CACNA1C: variants seen among roughly 807,000 people sequenced by gnomAD.
CACNA1C encodes voltage-dependent L-type calcium channel subunit alpha-1C.
Under a neutral mutation model 229.0 loss-of-function variants are expected in CACNA1C, and 30 were observed. That is an observed-to-expected ratio of 0.13 (90% CI 0.10 to 0.18). CACNA1C has a LOEUF of 0.18. Ranked by LOEUF, CACNA1C falls within the 10% of genes least tolerant of loss-of-function variation. The probability of loss-of-function intolerance (pLI) is 1.00; values close to 1 mark genes in which losing one functional copy is unlikely to be tolerated. For synonymous variants in CACNA1C, 1,114 were observed against 1,132.5 expected (o/e 0.98, Z 0.33); for missense variants, 1,658 against 2,845.0 (o/e 0.58, Z 9.49).
intron 10 of CACNA1C, among the ~76,000 whole-genome samples, chr12:2,552,741 G>A (rs889076644): frequency 6.6e-6 from 1 of 152,170 alleles, no homozygotes; most frequent in Non-Finnish European, 1.5e-5. Context: ...AGGGTTGCAG[G>A]GCACTGGTCT....
At chr12:2,436,178 G>A (rs1445462480) in intron 3 of CACNA1C, among the ~76,000 whole-genome samples, 4 of 152,174 alleles carry the variant, frequency 2.6e-5, no homozygotes, top group Non-Finnish European at 4.4e-5. Context: ...TACTAATTGG[G>A]AATCCTTATA....
At chr12:2,421,163 T>C (rs1364971495) in intron 3 of CACNA1C, among the ~76,000 whole-genome samples, 6 of 152,142 alleles carry the variant, frequency 3.9e-5, no homozygotes, top group Non-Finnish European at 7.4e-5. Flanking sequence ...GCAAAAAAAA[T>C]TATAGGGAAC....
chr12:2,364,303 C>T (rs2097662193), intron 3 of CACNA1C, among the ~76,000 whole-genome samples: 1 of 152,122 alleles, frequency 6.6e-6, no homozygotes, highest in African/African-American at 2.4e-5. Flanking sequence ...ACAGGCGTCT[C>T]TGAGAGTTGG....
At chr12:2,518,694 G>T (rs2099803376) in intron 9 of CACNA1C, among the ~76,000 whole-genome samples, 1 of 151,980 alleles carries the variant, frequency 6.6e-6, no homozygotes, top group Non-Finnish European at 1.5e-5. Flanking sequence ...GCACATACGA[G>T]TCACACAAAC....
At chr12:2,483,547 G>GT (rs1246155264) in intron 5 of CACNA1C, among the ~76,000 whole-genome samples, 4 of 152,086 alleles carry the variant, frequency 2.6e-5, no homozygotes, top group African/African-American at 9.7e-5. Context: ...TCTATAATAA[G>GT]TATTTTCTGT....
intron 9 of CACNA1C, among the ~76,000 whole-genome samples, chr12:2,548,454 A>G (rs997509538): frequency 6.6e-6 from 1 of 152,148 alleles, no homozygotes; most frequent in Non-Finnish European, 1.5e-5. Context: ...TGAACACACC[A>G]TATGACCATG....
At chr12:2,240,682 G>A (rs977731984) in intron 3 of CACNA1C, among the ~76,000 whole-genome samples, 10 of 152,182 alleles carry the variant, frequency 6.6e-5, no homozygotes, top group African/African-American at 2.4e-4. Context: ...GATGCTAATG[G>A]GTATTGACTG....
chr12:1,991,492 C>T (rs1282919776), intron 1 of CACNA1C: 1 of 236,976 alleles, frequency 4.2e-6, no homozygotes, highest in Non-Finnish European at 8.5e-6. Flanking sequence ...CCCAATTTAT[C>T]CAAAATATTG....
Position 2,004,256 on chromosome 12 carries a change from C to T in CACNA1C, c.139+33055C>T, listed in dbSNP as rs777289607. The stretch of plus-strand genomic sequence containing the variant: ...CCGCCTCCACCCCAACCCTGGGCTG[C>T]ACTGCTCCGCCGCGTCCGCACGCAC... On this transcript the variant is annotated intron_variant, in intron 1 of 46. Coordinates refer to the CACNA1C transcript ENST00000682462. The T allele has an allele frequency of 2.5e-5, 41 of 1,612,090 alleles. No individual in the cohort carries two copies. In the South Asian group the frequency reaches 4.3e-4, roughly 17 times the overall value.
At chr12:2,551,926 G>A (rs192926038) in intron 10 of CACNA1C, among the ~76,000 whole-genome samples, 10 of 152,236 alleles carry the variant, frequency 6.6e-5, no homozygotes, top group Middle Eastern at 3.4e-3. Context: ...CACGAGATAC[G>A]GAGGCCCGAA....
In CACNA1C at chr12:2,067,600, G is replaced by A. The variant is rs955183153; in HGVS notation, c.49+13989G>A. ...GACACCAAAGCAGAGAGAGCTCGTG[G>A]TGTGCAGCCCTGAGGTCACGTTTGT... On this transcript the variant is annotated intron_variant, in intron 1 of 46. Transcript: ENST00000399655. The surrounding 1 kb of genome is among the most constrained non-coding windows in gnomAD (Gnocchi z 5.3). 5.3e-5 allele frequency among the ~76,000 whole-genome samples: 8 copies of A among 152,158 alleles called. No individual in the cohort carries two copies. The highest frequency in any genetic ancestry group is 9.7e-5 in the African/African-American group (4 of 41,434).
At chr12:2,063,119 G>A (rs1201849140) in intron 1 of CACNA1C, among the ~76,000 whole-genome samples, 1 of 151,172 alleles carries the variant, frequency 6.6e-6, no homozygotes, top group Non-Finnish European at 1.5e-5. Flanking sequence ...TGTCTCTATG[G>A]ATTTTCATGT....
intron 3 of CACNA1C, among the ~76,000 whole-genome samples, chr12:2,182,013 C>G (rs2096854782): frequency 6.6e-6 from 1 of 151,200 alleles, no homozygotes; most frequent in Non-Finnish European, 1.5e-5. Flanking sequence ...GTTGAGAGGC[C>G]AGGAGTTCTC....
intron 1 of CACNA1C, among the ~76,000 whole-genome samples, chr12:2,090,015 T>C (rs1306073535): frequency 1.3e-5 from 2 of 152,020 alleles, no homozygotes; most frequent in Non-Finnish European, 2.9e-5. Flanking sequence ...GGTGACAGTG[T>C]GAGACTCCGT....
intron 3 of CACNA1C, among the ~76,000 whole-genome samples, chr12:2,259,809 G>T (rs2079374763): frequency 6.6e-6 from 1 of 152,218 alleles, no homozygotes; most frequent in South Asian, 2.1e-4. Context: ...GGTGGCACGT[G>T]CCTTTGGTCC....
At chr12:2,583,906 C>G (rs977689094) in intron 15 of CACNA1C, among the ~76,000 whole-genome samples, 1 of 152,190 alleles carries the variant, frequency 6.6e-6, no homozygotes, top group Non-Finnish European at 1.5e-5. Context: ...ACTTAAAGCC[C>G]CCTTCCAGCT....
At chr12:2,008,376 T>C (rs2429130) in intron 1 of CACNA1C, among the ~76,000 whole-genome samples, 106,468 of 151,662 alleles carry the variant, frequency 0.7, 38,195 homozygotes, top group African/African-American at 0.86. Context: ...GGTCTCACTA[T>C]GTTGCTCAGG....
At chr12:2,590,595 G>A (rs758162789) in intron 18 of CACNA1C, among the ~76,000 whole-genome samples, 3 of 152,082 alleles carry the variant, frequency 2.0e-5, no homozygotes, top group African/African-American at 4.8e-5. Flanking sequence ...CTTAAGTACT[G>A]TGCCTGAGGT....
rs1603449687 is a variant in CACNA1C, at chr12:2,678,125, A to G, written c.5091+258A>G. On this transcript the variant is annotated intron_variant, in intron 41 of 46. Transcript: ENST00000399655. This position sits in a 1 kb window ranked among gnomAD's most constrained non-coding sequence, Gnocchi z 4.1. ...AGAAGCGGGAAGGAACCGCCTTCCT[A>G]AGGGAAATGTTTCCTAGGAGAAACT... Among the ~76,000 whole-genome samples, 1 of 152,172 alleles carries G rather than the reference A, an allele frequency of 6.6e-6. No homozygotes were observed. The highest frequency in any genetic ancestry group is 1.5e-5 in the Non-Finnish European group (1 of 68,010).
Sources: gnomAD v4.1 joint callset for allele counts (sites outside exome capture counted in the v4.1 genomes callset) on GRCh38, gnomAD v4.1.1 for gene constraint, Gnocchi (gnomAD v3.1) non-coding constraint, MANE v1.5 for transcripts, NCBI Gene and HGNC (gene_info 2026-07-23, HGNC 2026-07-21) for gene names.